TRPM1: variants seen among roughly 807,000 people sequenced by gnomAD.
The protein encoded by TRPM1 is transient receptor potential cation channel subfamily M member 1.
Under a neutral mutation model 149.4 loss-of-function variants are expected in TRPM1, and 113 were observed. The observed-to-expected ratio is 0.76, with a 90% CI of 0.65 to 0.88. The LOEUF is 0.88. TRPM1 is among the 40% of genes least tolerant of loss of function. The pLI is 0.00. For synonymous variants in TRPM1, 741 were observed against 759.5 expected (o/e 0.98, Z 0.40); for missense variants, 1,976 against 2,038.7 (o/e 0.97, Z 0.59).
In TRPM1 at chr15:31,036,430, GT is replaced by G. The variant is rs1298842946; in HGVS notation, c.2572-757del. Among the ~76,000 whole-genome samples the G allele has an allele frequency of 3.3e-5, 5 of 151,156 alleles. No homozygotes were observed. The East Asian group carries it at 5.8e-4, about 18-fold the overall frequency. On this transcript the variant is annotated intron_variant, in intron 20 of 27. Coordinates refer to ENST00000256552, the MANE Select transcript of TRPM1 (RefSeq NM_001252024.2). ...TGAGTATTTGTAACTGGGCAGTTTG[GT>G]TTTTTTTTCTTTTTTTTCAAGATCC...
At position 31,155,949 on chromosome 15, in the gene TRPM1, C is replaced by T. The variant is rs575363809; in HGVS notation, c.54+4957G>A. 5.3e-5 allele frequency among the ~76,000 whole-genome samples: 8 copies of T among 152,152 alleles called. No homozygotes were observed. The South Asian group carries it at 1.0e-3, about 20-fold the overall frequency. ...CAGTGGCTCACACCTGTAATCCCAG[C>T]GCTTTGGGAGGCCAAGGCAGGTGGA... is the stretch of plus-strand genomic sequence containing the variant. On this transcript the variant is annotated intron_variant, in intron 1 of 26. Transcript: ENST00000542188.
At chr15:31,095,150 A>C (rs1309310634) in intron 1 of TRPM1, among the ~76,000 whole-genome samples, 1 of 152,280 alleles carries the variant, frequency 6.6e-6, no homozygotes, top group East Asian at 1.9e-4. Flanking sequence ...TTTAGATGAA[A>C]CATCCAGAAT....
chr15:31,085,949 G>T (rs932023927), intron 1 of TRPM1, among the ~76,000 whole-genome samples: 2 of 152,192 alleles, frequency 1.3e-5, no homozygotes, highest in Non-Finnish European at 2.9e-5. Context: ...CCAGACTGAT[G>T]GGTGTAGGAT....
upstream of TRPM1, among the ~76,000 whole-genome samples, chr15:31,106,154 T>G (rs75116424): frequency 1.8e-3 from 276 of 149,992 alleles, 7 homozygotes; most frequent in South Asian, 0.055. Context: ...TTTTTTTTTT[T>G]TGAGATGGAG....
Position 31,063,313 on chromosome 15 carries a change from G to A in TRPM1, c.791-21C>T, listed in dbSNP as rs537283316. The A allele has an allele frequency of 4.3e-6, 7 of 1,613,976 alleles. No homozygotes were observed. The South Asian group carries it at 6.6e-5, about 15-fold the overall frequency. On this transcript the variant is annotated intron_variant, in intron 7 of 27. Transcript: ENST00000256552. ...CAGTCCTGCAACACAAACCACATTC[G>A]CCCATACCACCTGTGCCCTGCACTG...
At chr15:31,016,990 A>AC (rs1566990393) in intron 27 of TRPM1, among the ~76,000 whole-genome samples, 9,345 of 103,594 alleles carry the variant, frequency 0.09, 327 homozygotes, top group Non-Finnish European at 0.13. Context: ...CACACACACA[A>AC]AAAAAAAACT....
At position 31,036,499 on chromosome 15, in the gene TRPM1, C is replaced by T. The variant is rs1201655871; in HGVS notation, c.2572-825G>A. On this transcript the variant is annotated intron_variant, in intron 20 of 27. Coordinates refer to ENST00000256552, the MANE Select transcript of TRPM1 (RefSeq NM_001252024.2). ...AGCTTTACCAGGAGAGAGGCAGGCCCCACCCCAAGATCCACTATCCACTCT... is the reference window on the plus strand; with the variant it reads ...AGCTTTACCAGGAGAGAGGCAGGCCTCACCCCAAGATCCACTATCCACTCT... Among the ~76,000 whole-genome samples, 3 of 152,070 alleles carry T rather than the reference C, an allele frequency of 2.0e-5. No homozygotes were observed. The East Asian group carries it at 5.8e-4, about 29-fold the overall frequency.
In TRPM1 at chr15:31,026,136, T is replaced by C; in HGVS notation, c.3629+3A>G. On this transcript the variant is annotated splice_donor_region_variant and intron_variant, in intron 27 of 27. Transcript: ENST00000256552. ...GGGCCCGCGGTGGGGACGCTACACG[T>C]ACCTTTCAGAAGTGACCCGGATGCG... The C allele has an allele frequency of 6.2e-7, 1 of 1,611,218 alleles. No homozygotes were observed. Among genetic ancestry groups the C allele is most frequent in the South Asian group, 1.1e-5 (1 of 91,060 alleles).
intron 4 of TRPM1, chr15:31,069,330 G>T: frequency 1.3e-6 from 1 of 786,058 alleles, no homozygotes; most frequent in Non-Finnish European, 1.5e-6. Context: ...CCTATAAACT[G>T]CTTCTTTGTG....
At chr15:31,105,330 C>G (rs1397311245), upstream of TRPM1, among the ~76,000 whole-genome samples, 1 of 152,072 alleles carries the variant, frequency 6.6e-6, no homozygotes, top group Non-Finnish European at 1.5e-5. Context: ...TCCAAGGAGC[C>G]CTGGTTCCTT....
intron 1 of TRPM1, among the ~76,000 whole-genome samples, chr15:31,151,720 C>T (rs1391870282): frequency 1.3e-5 from 2 of 152,244 alleles, no homozygotes; most frequent in African/African-American, 2.4e-5. Context: ...ACATCCTCCT[C>T]CAGCCCTGCT....
intron 1 of TRPM1, among the ~76,000 whole-genome samples, chr15:31,113,390 AG>A (rs1196341852): frequency 6.6e-6 from 1 of 151,658 alleles, no homozygotes; most frequent in South Asian, 2.1e-4. Flanking sequence ...GGTTCTCCAA[AG>A]GGTCACCTAT....
intron 1 of TRPM1, among the ~76,000 whole-genome samples, chr15:31,100,161 C>T (rs1193759058): frequency 6.6e-6 from 1 of 151,594 alleles, no homozygotes; most frequent in Non-Finnish European, 1.5e-5. Context: ...CTCACTGCAA[C>T]CTCCACCTCC....
At chr15:31,081,709 G>C (rs1375990865) in intron 1 of TRPM1, among the ~76,000 whole-genome samples, 1 of 152,064 alleles carries the variant, frequency 6.6e-6, no homozygotes, top group Non-Finnish European at 1.5e-5. Flanking sequence ...TATCCCCTGT[G>C]CCTCCAGGAG....
intron 1 of TRPM1, among the ~76,000 whole-genome samples, chr15:31,128,497 C>T (rs561401815): frequency 1.3e-5 from 2 of 152,298 alleles, no homozygotes; most frequent in South Asian, 4.1e-4. Context: ...AGGAGGGTGC[C>T]CAACACCACC....
At chr15:31,103,772 C>T (rs1266512189), upstream of TRPM1, among the ~76,000 whole-genome samples, 1 of 147,336 alleles carries the variant, frequency 6.8e-6, no homozygotes, top group Admixed American at 6.8e-5. Flanking sequence ...GAGATCACAC[C>T]ACTGCACTCC....
At chr15:31,135,081 T>A (rs572816416) in intron 1 of TRPM1, among the ~76,000 whole-genome samples, 42 of 152,352 alleles carry the variant, frequency 2.8e-4, no homozygotes, top group African/African-American at 9.9e-4. Context: ...TAAACTTTTG[T>A]TTGTTTCTCT....
At chr15:31,053,594 T>C (rs1363695651) in intron 11 of TRPM1, among the ~76,000 whole-genome samples, 4 of 152,080 alleles carry the variant, frequency 2.6e-5, no homozygotes, top group Non-Finnish European at 5.9e-5. Context: ...CAACAGAAAA[T>C]GACAAATGTT....
At chr15:31,113,851 G>C (rs71474645) in intron 1 of TRPM1, among the ~76,000 whole-genome samples, 20,137 of 152,080 alleles carry the variant, frequency 0.13, 1,734 homozygotes, top group Non-Finnish European at 0.18. Flanking sequence ...AAACAACGAC[G>C]CTCCCACACG....
Sources: allele counts gnomAD v4.1 joint callset (sites outside exome capture counted in the v4.1 genomes callset), GRCh38; gene constraint gnomAD v4.1.1; transcripts MANE v1.5; gene names NCBI Gene and HGNC (gene_info 2026-07-23, HGNC 2026-07-21).